Variants in USP25 observed in about 807,000 individuals in gnomAD.
The protein encoded by USP25 is ubiquitin carboxyl-terminal hydrolase 25.
Under a neutral mutation model 158.5 loss-of-function variants are expected in USP25, and 85 were observed. The observed-to-expected ratio is 0.54, with a 90% CI of 0.45 to 0.64. USP25 has a LOEUF of 0.64. USP25 is among the 30% of genes least tolerant of loss of function. USP25 has a pLI of 0.00. For synonymous variants in USP25, 464 were observed against 460.4 expected, an observed-to-expected ratio of 1.01 and a Z score of -0.10; for missense variants, 1,242 against 1,327.3, an observed-to-expected ratio of 0.94 and a Z score of 1.00.
chr21:15,850,319 TTTA>T (rs1312643313), intron 20 of USP25, among the ~76,000 whole-genome samples: 7 of 152,042 alleles, frequency 4.6e-5, no homozygotes, highest in East Asian at 1.9e-4. Context: ...AAATGATTTA[TTTA>T]TTATATTATT....
intron 17 of USP25, among the ~76,000 whole-genome samples, chr21:15,838,614 A>G (rs764963010): frequency 2.0e-5 from 3 of 152,098 alleles, no homozygotes; most frequent in Non-Finnish European, 4.4e-5. Context: ...AGGCTCTTAC[A>G]GGGTATTGTG....
rs1188905715 is a variant in USP25 at position 15,794,742 on chromosome 21, C to A, written c.555+3078C>A. ...GTATGTGGTTACCTTACTCATAAAT[C>A]ATATAACTGCAGGTTGACTAAAATA... is the stretch of plus-strand genomic sequence containing the variant. On this transcript the variant is annotated intron_variant, in intron 5 of 25. Coordinates refer to ENST00000400183, the MANE Select transcript of USP25 (RefSeq NM_001283041.3). Among the ~76,000 whole-genome samples the A allele has an allele frequency of 2.6e-5, 4 of 151,470 alleles. No individual in the cohort carries two copies. In the East Asian group the frequency reaches 7.8e-4, roughly 29 times the overall value.
In USP25 at chr21:15,767,294, A is replaced by G. The variant is rs2034097013; in HGVS notation, c.268+1153A>G. On this transcript the variant is annotated intron_variant, in intron 3 of 25. Coordinates refer to ENST00000400183, the MANE Select transcript of USP25 (RefSeq NM_001283041.3). ...TTTGCTGTTCCTTCTGTTTGAATGCACTCTGGCCTTTTCCTCCCTAGCCTA... is the reference window on the plus strand; with the variant it reads ...TTTGCTGTTCCTTCTGTTTGAATGCGCTCTGGCCTTTTCCTCCCTAGCCTA... 2.6e-5 allele frequency among the ~76,000 whole-genome samples: 4 copies of G among 151,770 alleles called. 1 individual carries two copies. The South Asian group carries it at 8.3e-4, about 32-fold the overall frequency.
chr21:15,788,711 T>G (rs2035429207), intron 4 of USP25, among the ~76,000 whole-genome samples: 1 of 152,082 alleles, frequency 6.6e-6, no homozygotes, highest in Admixed American at 6.5e-5. Context: ...TACATGCTTT[T>G]TTTTTGCACC....
Position 15,816,597 on chromosome 21 carries a change from T to A in USP25, c.932-2101T>A, listed in dbSNP as rs2036948477. On this transcript the variant is annotated intron_variant, in intron 9 of 25. Transcript: ENST00000400183. This position sits in a 1 kb window ranked among gnomAD's most constrained non-coding sequence, Gnocchi z 4.0. Reference sequence around the variant, plus strand: ...GGTAGCAGAACCTTAGGACTTTGTTTAGGCCCATTTCTTCTTCCTGTCCCA... The same window carrying A: ...GGTAGCAGAACCTTAGGACTTTGTTAAGGCCCATTTCTTCTTCCTGTCCCA... Among the ~76,000 whole-genome samples the A allele has an allele frequency of 6.6e-6, 1 of 152,210 alleles. No homozygotes were observed. The highest frequency in any genetic ancestry group is 2.1e-4 in the South Asian group (1 of 4,832).
chr21:15,857,804 C>T (rs1223107544), intron 20 of USP25, among the ~76,000 whole-genome samples: 4 of 151,938 alleles, frequency 2.6e-5, no homozygotes, highest in Non-Finnish European at 5.9e-5. Context: ...AATTCTGCTG[C>T]TTTCATGGTT....
Position 15,877,874 on chromosome 21 carries a change from G to A in USP25, c.3088G>A (p.Glu1030Lys). 6.2e-7 allele frequency: 1 copy of A among 1,613,196 alleles called. No homozygotes were observed. The highest frequency in any genetic ancestry group is 8.5e-7 in the Non-Finnish European group (1 of 1,179,496). ...AAACAATGGTTTGATTATCATGAAT[G>A]AGTTTATTGTCCCATTTTTGCCATT... The part of the protein sequence containing the change: ...EVNNGLIIMN[E>K]FIVPFLPLLL... Residue 1030 changes from glutamate to lysine, a missense_variant, in exon 25 of 26, where the codon GAG (glutamate) becomes AAG (lysine). Transcript: ENST00000400183.
At chr21:15,832,582 T>C (rs2037857136) in intron 16 of USP25, among the ~76,000 whole-genome samples, 1 of 152,234 alleles carries the variant, frequency 6.6e-6, no homozygotes. Flanking sequence ...ACAAACAATT[T>C]TCATTTTATT....
intron 18 of USP25, among the ~76,000 whole-genome samples, chr21:15,846,680 G>T (rs1461563999): frequency 6.6e-6 from 1 of 152,096 alleles, no homozygotes; most frequent in South Asian, 2.1e-4. Context: ...TTATCTTTGT[G>T]TATGAAAACT....
At chr21:15,827,773 T>C (rs920975245) in intron 14 of USP25, among the ~76,000 whole-genome samples, 276 of 114,692 alleles carry the variant, frequency 2.4e-3, no homozygotes, top group African/African-American at 0.01. Context: ...TGCGTGTGTG[T>C]GTGTGTGTGT....
rs1568882468 is a variant in USP25 at position 15,846,143 on chromosome 21, TA to T, written c.2338-1519del. ...GTGTGTATATATATATATATATATATATATATATATATATATTTTTTTTTTT... is the reference window on the plus strand; with the variant it reads ...GTGTGTATATATATATATATATATATTATATATATATATATTTTTTTTTTT... On this transcript the variant is annotated intron_variant, in intron 18 of 25. Coordinates refer to ENST00000400183, the MANE Select transcript of USP25 (RefSeq NM_001283041.3). 6.0e-4 allele frequency among the ~76,000 whole-genome samples: 38 copies of T among 62,854 alleles called. 1 individual carries two copies. Among genetic ancestry groups the T allele is most frequent in the African/African-American group, 2.9e-3 (32 of 11,164 alleles). The allele number at this position is 62,854 out of a possible 152,430, so 41.2% of individuals were successfully genotyped here.
chr21:15,777,052 A>C (rs1354988819), intron 3 of USP25, among the ~76,000 whole-genome samples: 1 of 152,192 alleles, frequency 6.6e-6, no homozygotes, highest in Non-Finnish European at 1.5e-5. Flanking sequence ...TATCATTGGC[A>C]TCATCTGGGT....
chr21:15,827,321 TC>T, intron 14 of USP25, 118 bp downstream of exon 14: 1 of 925,786 alleles, frequency 1.1e-6, no homozygotes, highest in Non-Finnish European at 1.6e-6. Context: ...ATTTTTCTTT[TC>T]CAGAAAGGGT....
chr21:15,791,643 T>G lies in USP25; in HGVS notation c.534T>G (p.Cys178Trp). Reference protein sequence around the residue: ...PVGLKNVGNTCWFSAVIQSLF... With the variant: ...PVGLKNVGNTWWFSAVIQSLF... ...GGCTAAAGAATGTTGGCAATACTTG[T>G]TGGTTTAGTGCTGTTATTCAGGTAA... The change falls in exon 5 of 26, where the codon TGT becomes TGG. Residue 178 changes from cysteine to tryptophan, a missense_variant. Cys to Trp is a radical substitution (Grantham distance 215, BLOSUM62 -2). Transcript: ENST00000400183. The G allele has an allele frequency of 6.2e-7, 1 of 1,610,556 alleles. No individual in the cohort carries two copies. Among genetic ancestry groups the G allele is most frequent in the Non-Finnish European group, 8.5e-7 (1 of 1,177,864 alleles).
intron 3 of USP25, among the ~76,000 whole-genome samples, chr21:15,769,394 G>T (rs1053040440): frequency 2.6e-5 from 4 of 151,992 alleles, no homozygotes; most frequent in African/African-American, 9.7e-5. Flanking sequence ...TAATTCTGTT[G>T]AATTCTGGAA....
chr21:15,785,398 AG>A (rs1470839199), intron 4 of USP25, among the ~76,000 whole-genome samples: 1 of 152,214 alleles, frequency 6.6e-6, no homozygotes, highest in African/African-American at 2.4e-5. Context: ...GAACAGCCGC[AG>A]AATACACATT....
chr21:15,842,251 C>G, intron 17 of USP25, 147 bp from the exon 18 acceptor site: 1 of 724,818 alleles, frequency 1.4e-6, no homozygotes, highest in Non-Finnish European at 2.1e-6. Flanking sequence ...GGAAGAAGTG[C>G]TATACGTGGA....
chr21:15,867,364 AAG>A (rs2039701907), intron 22 of USP25, among the ~76,000 whole-genome samples: 1 of 152,108 alleles, frequency 6.6e-6, no homozygotes, highest in Admixed American at 6.5e-5. Flanking sequence ...GGGAAGAGGA[AAG>A]AGAGAGAAAA....
intron 5 of USP25, among the ~76,000 whole-genome samples, chr21:15,798,690 ATCTT>A (rs2035982567): frequency 6.6e-6 from 1 of 151,326 alleles, no homozygotes; most frequent in Non-Finnish European, 1.5e-5. Flanking sequence ...TGTTGAATAA[ATCTT>A]TCTAGATCAC....
Sources: allele counts gnomAD v4.1 joint callset (sites outside exome capture counted in the v4.1 genomes callset), GRCh38; gene constraint gnomAD v4.1.1; non-coding constraint Gnocchi (gnomAD v3.1); transcripts MANE v1.5; gene names NCBI Gene and HGNC (gene_info 2026-07-23, HGNC 2026-07-21).